Variants in EXOSC10 observed in about 807,000 individuals in gnomAD.
EXOSC10 encodes the protein exosome component 10, also known as exosome complex component 10.
EXOSC10 carries 94 observed loss-of-function variants against 126.6 expected under a neutral mutation model. The observed-to-expected ratio is 0.74, with a 90% confidence interval of 0.63 to 0.88. EXOSC10 has a LOEUF of 0.88. Among genes scored for constraint, EXOSC10 ranks in the 40% least tolerant of loss-of-function variants. The pLI is 0.00. For synonymous variants in EXOSC10, 395 were observed against 400.8 expected, an observed-to-expected ratio of 0.99 and a Z score of 0.17; for missense variants, 1,041 against 1,100.5, an observed-to-expected ratio of 0.95 and a Z score of 0.77.
Position 11,077,413 on chromosome 1 carries a change from C to T in EXOSC10, c.1831G>A (p.Asp611Asn), listed in dbSNP as rs369539353. 9.9e-6 allele frequency: 16 copies of T among 1,613,910 alleles called. No homozygotes were observed. The highest frequency in any genetic ancestry group is 3.3e-4 in the Middle Eastern group (2 of 6,042). Residue 611 changes from aspartate to asparagine, a missense_variant, in exon 16 of 25, where the codon GAC becomes AAC. This residue lies in a region of EXOSC10 where 388 missense variants were observed against 415.2 expected (regional missense o/e 0.93). Transcript: ENST00000376936. ...CCATCCGGAGGGGCATGGGAGCAGT[C>T]GTGAGGTCCAAAGAGAACATTCTCC... ...RLENVLFGPHDCSHAPPDGYP... is the reference protein window; with the variant it reads ...RLENVLFGPHNCSHAPPDGYP...
At chr1:11,082,445 A>G (rs986112435) in intron 10 of EXOSC10, 1 of 921,606 alleles carries the variant, frequency 1.1e-6, no homozygotes, top group African/African-American at 1.7e-5. Context: ...CTGGTGCGGC[A>G]CCTCTTTTTC....
At position 11,069,735 on chromosome 1, in the gene EXOSC10, A is replaced by G; in HGVS notation, c.2317-5T>C. 6.2e-7 allele frequency: 1 copy of G among 1,610,776 alleles called. No homozygotes were observed. Among genetic ancestry groups the G allele is most frequent in the Non-Finnish European group, 8.5e-7 (1 of 1,178,358 alleles). Reference sequence around the variant, plus strand: ...CTTCTTTGCAGCATTTTCTAGCTGTAGATCAGGAACAGATGTGGGGGAGGA... The same window carrying G: ...CTTCTTTGCAGCATTTTCTAGCTGTGGATCAGGAACAGATGTGGGGGAGGA... On this transcript the variant is annotated splice_polypyrimidine_tract_variant and splice_region_variant and intron_variant, in intron 21 of 24. Transcript: ENST00000376936.
At chr1:11,069,981 A>T (rs527584619) in intron 21 of EXOSC10, among the ~76,000 whole-genome samples, 1 of 152,240 alleles carries the variant, frequency 6.6e-6, no homozygotes, top group African/African-American at 2.4e-5. Context: ...CATGCCTATA[A>T]TTCCAGTGCT....
chr1:11,083,761 A>G (rs1330054427), intron 9 of EXOSC10, among the ~76,000 whole-genome samples: 1 of 152,132 alleles, frequency 6.6e-6, no homozygotes, highest in East Asian at 1.9e-4. Flanking sequence ...ATATCTCCCA[A>G]TGCTATCCCT....
rs769201929 is a variant in EXOSC10 at position 11,082,762 on chromosome 1, T to G, written c.1206A>C (p.Ser402=). The change falls in exon 10 of 25, where the codon TCA becomes TCC. Residue 402 remains serine (S), a synonymous_variant. Transcript: ENST00000376936. ...AARLLNLGRH[S]LDHLLKLYCN... The stretch of plus-strand genomic sequence containing the variant: ...AGTAGAGTTTCAGGAGATGATCGAG[T>G]GAGTGCCTGCCCAGGTTAAGAAGGC... The G allele has an allele frequency of 6.2e-7, 1 of 1,614,162 alleles. No homozygotes were observed. The highest frequency in any genetic ancestry group is 1.1e-5 in the South Asian group (1 of 91,076).
chr1:11,095,933 A>G, intron 2 of EXOSC10, 52 bp from the exon 3 acceptor site: 1 of 1,593,960 alleles, frequency 6.3e-7, no homozygotes, highest in Non-Finnish European at 8.6e-7. Context: ...TCACTTGTTT[A>G]CATTCTGTGA....
rs1639890781 is a variant in EXOSC10, at chr1:11,077,595, C to G, written c.1800+6G>C. The G allele has an allele frequency of 6.2e-7, 1 of 1,613,960 alleles. No individual in the cohort carries two copies. The highest frequency in any genetic ancestry group is 8.5e-7 in the Non-Finnish European group (1 of 1,180,022). ...CCTGGGGGAGAAAACAGATCCGACACTCTACCTCAGCACTGGGCAGCGGTC... is the reference window on the plus strand; with the variant it reads ...CCTGGGGGAGAAAACAGATCCGACAGTCTACCTCAGCACTGGGCAGCGGTC... On this transcript the variant is annotated splice_donor_region_variant and intron_variant, in intron 15 of 24. Coordinates refer to ENST00000376936, the MANE Select transcript of EXOSC10 (RefSeq NM_001001998.3).
At position 11,081,221 on chromosome 1, in the gene EXOSC10, A is replaced by G. The variant is rs534349196; in HGVS notation, c.1298T>C (p.Met433Thr). ...DWRIRPLPEEMLSYARDDTHY... is the reference protein window; with the variant it reads ...DWRIRPLPEETLSYARDDTHY... ...GGTGTCATCCCGGGCGTAGCTGAGC[A>G]TCTCCTCGGGCAGAGGGCTGGAATT... The change falls in exon 11 of 25, where the codon ATG becomes ACG. Residue 433 changes from methionine to threonine, a missense_variant. Physicochemically the swap from Met to Thr is moderately conservative, Grantham distance 81. Around this residue, in one of 3 missense-constraint regions of EXOSC10, gnomAD observed 645 missense variants for 656.3 expected, o/e 0.98. Transcript: ENST00000376936. 1 of 1,614,162 alleles carries G rather than the reference A, an allele frequency of 6.2e-7. No individual in the cohort carries two copies. Among genetic ancestry groups the G allele is most frequent in the Admixed American group, 1.7e-5 (1 of 60,010 alleles).
intron 13 of EXOSC10, 147 bp downstream of exon 13, chr1:11,080,352 A>T: frequency 2.1e-6 from 2 of 971,768 alleles, no homozygotes; most frequent in Non-Finnish European, 3.1e-6. Context: ...CAGAAATTCT[A>T]TATTCCTTCA....
At chr1:11,079,635 C>A (rs1438675514) in intron 14 of EXOSC10, 76 bp downstream of exon 14, 8 of 1,233,110 alleles carry the variant, frequency 6.5e-6, no homozygotes, top group Non-Finnish European at 9.3e-6. Context: ...CTGAAATGAT[C>A]CAGCCACCTC....
chr1:11,078,264 C>CTTTTTTTTTTTTTTTTTTT lies in EXOSC10; in HGVS notation c.1750-614_1750-613insAAAAAAAAAAAAAAAAAAA, dbSNP rs1220119181. 3.5e-3 allele frequency among the ~76,000 whole-genome samples: 507 copies of CTTTTTTTTTTTTTTTTTTT among 143,386 alleles called. 16 individuals carry two copies. The highest frequency in any genetic ancestry group is 9.6e-3 in the African/African-American group (366 of 38,172). The allele number at this position is 143,386 out of a possible 152,430, so 94.1% of individuals were successfully genotyped here. On this transcript the variant is annotated intron_variant, in intron 14 of 24. Coordinates refer to ENST00000376936, the MANE Select transcript of EXOSC10 (RefSeq NM_001001998.3). The stretch of plus-strand genomic sequence containing the variant: ...TGGGTGTCAGAGCAAGACCCTGTTT[C>CTTTTTTTTTTTTTTTTTTT]TTTTTTTTTTTGAGACGGAGTCTCG...
chr1:11,080,811 C>G lies in EXOSC10; in HGVS notation c.1539G>C (p.Leu513=). Residue 513 remains leucine (L), a synonymous_variant, in exon 12 of 25, where the codon CTG becomes CTC. Coordinates refer to ENST00000376936, the MANE Select transcript of EXOSC10 (RefSeq NM_001001998.3). ...NTQQLTAFQL[L]FAWRDKTARR... is the part of the protein sequence containing the mutation. ...GAGCTGTTTTATCCCTCCAGGCAAA[C>G]AGCAGCTGAAAGGCTGTCAACTGCT... is the stretch of plus-strand genomic sequence containing the variant. The G allele has an allele frequency of 6.2e-7, 1 of 1,614,204 alleles. No homozygotes were observed. Among genetic ancestry groups the G allele is most frequent in the South Asian group, 1.1e-5 (1 of 91,080 alleles).
At chr1:11,090,421 A>G (rs1640737400) in intron 6 of EXOSC10, 133 bp downstream of exon 6, 2 of 750,386 alleles carry the variant, frequency 2.7e-6, no homozygotes, top group Non-Finnish European at 2.3e-6. Flanking sequence ...TTTTATTGCT[A>G]AGGCCCAGGT....
chr1:11,099,348 C>T (rs1352791914), intron 1 of EXOSC10, among the ~76,000 whole-genome samples: 1 of 152,150 alleles, frequency 6.6e-6, no homozygotes, highest in Non-Finnish European at 1.5e-5. Context: ...GGAGACAACT[C>T]CAGGCAAGTG....
At chr1:11,074,136 C>CAA in intron 18 of EXOSC10, 95 bp downstream of exon 18, 3 of 1,378,934 alleles carry the variant, frequency 2.2e-6, no homozygotes, top group Non-Finnish European at 3.1e-6. Flanking sequence ...GGGCAGCCGA[C>CAA]ACACTGGCTT....
intron 16 of EXOSC10, 127 bp from the exon 17 acceptor site, chr1:11,077,075 T>A: frequency 1.4e-6 from 1 of 696,620 alleles, no homozygotes; most frequent in Non-Finnish European, 2.5e-6. Context: ...CACTGCAACC[T>A]CCGCCTCCTC....
intron 21 of EXOSC10, chr1:11,070,602 G>A (rs1639423901): frequency 3.3e-6 from 1 of 301,170 alleles, no homozygotes; most frequent in Non-Finnish European, 6.1e-6. Context: ...GTAGGACACA[G>A]CAGGACACAC....
intron 24 of EXOSC10, 121 bp downstream of exon 24, chr1:11,067,887 G>T: frequency 2.5e-6 from 2 of 788,432 alleles, no homozygotes; most frequent in South Asian, 1.8e-5. Context: ...GAGGTTCTCT[G>T]AGTCATCCTG....
chr1:11,081,266 T>A, intron 10 of EXOSC10, 28 bp from the exon 11 acceptor site: 1 of 1,611,230 alleles, frequency 6.2e-7, no homozygotes, highest in Non-Finnish European at 8.5e-7. Context: ...AATGTTTTAC[T>A]GATTGCCCCC....
Sources: allele counts gnomAD v4.1 joint callset (sites outside exome capture counted in the v4.1 genomes callset), GRCh38; gene constraint gnomAD v4.1.1; regional missense constraint gnomAD v4.1.1; transcripts MANE v1.5; gene names NCBI Gene and HGNC (gene_info 2026-07-23, HGNC 2026-07-21).